PANK1: variants seen among roughly 807,000 people sequenced by gnomAD.
PANK1 encodes pantothenate kinase 1, also known as pantothenic acid kinase 1.
PANK1 carries 18 observed loss-of-function variants against 40.1 expected under a neutral mutation model. The observed-to-expected ratio is 0.45, with a 90% CI of 0.31 to 0.67. The LOEUF (loss-of-function observed/expected upper bound fraction) is 0.67. Ranked by LOEUF, PANK1 falls within the 30% of genes least tolerant of loss-of-function variation. PANK1 has a pLI of 0.06. For synonymous variants in PANK1, 242 were observed against 237.7 expected (o/e 1.02, Z -0.17); for missense variants, 457 against 599.6 (o/e 0.76, Z 2.48).
At chr10:89,580,715 C>A (rs1156378890), downstream of PANK1, 4 of 152,240 alleles carry the variant, frequency 2.6e-5, no homozygotes, top group Non-Finnish European at 5.9e-5. Flanking sequence ...TCTTATAGGA[C>A]CTGGCTCAAG....
Position 89,643,384 on chromosome 10 carries a change from T to A in PANK1, c.292+1216A>T, listed in dbSNP as rs182561076. On this transcript the variant is annotated intron_variant, in intron 1 of 6. Coordinates refer to ENST00000307534, the MANE Select transcript of PANK1 (RefSeq NM_148977.3). ...ATTACAACCTTACACCTTACAACTG[T>A]AGCCAAATCTGCTGTTTGGCTTTAA... Among the ~76,000 whole-genome samples the A allele has an allele frequency of 3.2e-3, 485 of 152,330 alleles. 4 individuals are homozygous for A. Among genetic ancestry groups the A allele is most frequent in the African/African-American group, 0.011 (451 of 41,576 alleles).
At chr10:89,589,542 C>CCACT (rs1299168626) in intron 5 of PANK1, among the ~76,000 whole-genome samples, 32 of 152,174 alleles carry the variant, frequency 2.1e-4, no homozygotes, top group East Asian at 1.9e-3. Context: ...AGACTGCTCA[C>CCACT]CACTCACTCA....
chr10:89,595,841 T>A (rs1466773132), intron 3 of PANK1, among the ~76,000 whole-genome samples: 175 of 68,322 alleles, frequency 2.6e-3, no homozygotes, highest in Middle Eastern at 7.5e-3. Context: ...AAAATATATA[T>A]ATATATATAT....
At chr10:89,604,220 G>A (rs998463735) in intron 2 of PANK1, among the ~76,000 whole-genome samples, 1 of 152,094 alleles carries the variant, frequency 6.6e-6, no homozygotes, top group Non-Finnish European at 1.5e-5. Context: ...TACTTTTAAA[G>A]TAACTAAAAG....
At chr10:89,643,899 G>A (rs1842034633) in intron 1 of PANK1, 3 of 1,399,028 alleles carry the variant, frequency 2.1e-6, no homozygotes, top group East Asian at 2.6e-5. Context: ...GGCTTTCTCC[G>A]GTGTACATTA....
chr10:89,631,019 T>TA (rs1841625683), intron 1 of PANK1, among the ~76,000 whole-genome samples: 1 of 152,194 alleles, frequency 6.6e-6, no homozygotes, highest in Admixed American at 6.5e-5. Context: ...CATTTTTTTT[T>TA]ACATGCTGTA....
chr10:89,620,867 C>T (rs148269205), intron 1 of PANK1, among the ~76,000 whole-genome samples: 12 of 152,236 alleles, frequency 7.9e-5, no homozygotes, highest in South Asian at 4.1e-4. Context: ...TTTCTCAGAC[C>T]GGCCAACACT....
chr10:89,612,468 A>G (rs1462643070), intron 1 of PANK1, among the ~76,000 whole-genome samples: 2 of 152,228 alleles, frequency 1.3e-5, no homozygotes, highest in African/African-American at 4.8e-5. Flanking sequence ...AAAGAAACGG[A>G]TCTGCTTCAA....
At chr10:89,624,893 G>A (rs1450291039) in intron 1 of PANK1, among the ~76,000 whole-genome samples, 2 of 152,158 alleles carry the variant, frequency 1.3e-5, no homozygotes, top group African/African-American at 2.4e-5. Flanking sequence ...ACTGTAAGTA[G>A]CTGGACTACA....
intron 6 of PANK1, among the ~76,000 whole-genome samples, chr10:89,587,648 G>A (rs905745096): frequency 1.6e-4 from 24 of 152,104 alleles, no homozygotes; most frequent in African/African-American, 5.3e-4. Flanking sequence ...GACTCCAATC[G>A]GAGAAACCAT....
chr10:89,618,713 C>G (rs961420812), intron 1 of PANK1, among the ~76,000 whole-genome samples: 1 of 152,174 alleles, frequency 6.6e-6, no homozygotes, highest in Non-Finnish European at 1.5e-5. Context: ...AAATGGTGTA[C>G]GTCACTTTCA....
Position 89,584,332 on chromosome 10 carries a change from G to T in PANK1, c.*74C>A. 1.1e-6 allele frequency: 1 copy of T among 940,140 alleles called. No individual in the cohort carries two copies. The highest frequency in any genetic ancestry group is 1.3e-5 in the South Asian group (1 of 74,276). 58.2% of individuals were successfully genotyped at this position (940,140 alleles called of 1,614,324 possible). On this transcript the variant is annotated 3_prime_UTR_variant, in exon 7 of 7. Transcript: ENST00000307534. ...AATGGCTTGGCTTCCGTCCCAAAGC[G>T]ACTTTCACCTTCTCCAGCAGCAATT... is the stretch of plus-strand genomic sequence containing the variant.
chr10:89,591,773 A>G (rs2133926741), intron 5 of PANK1, among the ~76,000 whole-genome samples: 1 of 152,330 alleles, frequency 6.6e-6, no homozygotes, highest in East Asian at 1.9e-4. Flanking sequence ...CCAATCAACA[A>G]TATTGAAATT....
chr10:89,620,186 A>C (rs11185805), intron 1 of PANK1, among the ~76,000 whole-genome samples: 528 of 152,386 alleles, frequency 3.5e-3, no homozygotes, highest in Middle Eastern at 0.01. Context: ...GTGTTTGAAC[A>C]ATATGAAATC....
chr10:89,643,589 A>C lies in PANK1; in HGVS notation c.292+1011T>G, dbSNP rs926009546. 3.4e-5 allele frequency: 28 copies of C among 818,882 alleles called. No individual in the cohort carries two copies. In the Middle Eastern group the frequency reaches 2.3e-3, roughly 68 times the overall value. The allele number at this position is 818,882 out of a possible 1,614,324, so 50.7% of individuals were successfully genotyped here. A position where few individuals can be genotyped will look rare whatever the true frequency, so the allele number is the denominator to read the frequency against. Reference sequence around the variant, plus strand: ...GGGAAAAGTGAAGGTGTTATTTGCCAAACATTAAACTTTCACAGAAATCCA... The same window carrying C: ...GGGAAAAGTGAAGGTGTTATTTGCCCAACATTAAACTTTCACAGAAATCCA... On this transcript the variant is annotated intron_variant, in intron 1 of 6. Transcript: ENST00000307534.
intron 3 of PANK1, among the ~76,000 whole-genome samples, chr10:89,595,637 C>T (rs7901886): frequency 0.61 from 91,701 of 149,724 alleles, 28,583 homozygotes; most frequent in East Asian, 0.93. Context: ...CTGGTCAACA[C>T]GGTGAAACCC....
chr10:89,595,976 A>C (rs10785890), intron 3 of PANK1, among the ~76,000 whole-genome samples: 90,750 of 148,130 alleles, frequency 0.61, 28,385 homozygotes, highest in East Asian at 0.93. Context: ...CCAGTAGCAG[A>C]TACCCAAACT....
downstream of PANK1, chr10:89,580,743 A>C (rs1225476569): frequency 6.6e-6 from 1 of 152,102 alleles, no homozygotes; most frequent in Non-Finnish European, 1.5e-5. Context: ...CCAACACTGC[A>C]TCTCCCACCA....
At chr10:89,630,044 T>C (rs1199503523) in intron 1 of PANK1, among the ~76,000 whole-genome samples, 2 of 152,214 alleles carry the variant, frequency 1.3e-5, no homozygotes, top group African/African-American at 4.8e-5. Flanking sequence ...TTACTTGTTA[T>C]GTAACTGACC....
Sources: allele counts gnomAD v4.1 joint callset (sites outside exome capture counted in the v4.1 genomes callset), GRCh38; gene constraint gnomAD v4.1.1; transcripts MANE v1.5; gene names NCBI Gene and HGNC (gene_info 2026-07-23, HGNC 2026-07-21).